Variants in ATR observed in about 807,000 individuals in gnomAD.
ATR encodes ATR checkpoint kinase, also known as serine/threonine-protein kinase ATR.
ATR carries 142 observed loss-of-function variants against 305.3 expected under a neutral mutation model. The ratio of observed to expected loss-of-function variants is 0.47; its 90% CI spans 0.41 to 0.53. ATR has a LOEUF of 0.53. ATR is among the 20% of genes least tolerant of loss of function. The probability of loss-of-function intolerance (pLI) is 0.00; values close to 1 mark genes in which losing one functional copy is unlikely to be tolerated. For missense variants in ATR, 2,135 were observed against 3,133.1 expected (o/e 0.68, Z 7.60); for synonymous variants, 1,050 against 1,068.1 (o/e 0.98, Z 0.33).
chr3:142,555,500 T>C (rs972881011), intron 10 of ATR, among the ~76,000 whole-genome samples: 2 of 152,176 alleles, frequency 1.3e-5, no homozygotes, highest in Admixed American at 1.3e-4. Flanking sequence ...AGTCCTCAGT[T>C]GGGCAAAGTA....
At chr3:142,482,075 C>T (rs924437830) in intron 36 of ATR, among the ~76,000 whole-genome samples, 9 of 152,072 alleles carry the variant, frequency 5.9e-5, no homozygotes, top group Middle Eastern at 3.2e-3. Context: ...ATCTGCCTGC[C>T]TCAGCCTCCC....
intron 14 of ATR, 90 bp downstream of exon 14, chr3:142,550,033 ACAGCATAAG>A: frequency 6.8e-7 from 1 of 1,468,228 alleles, no homozygotes; most frequent in Non-Finnish European, 9.4e-7. Flanking sequence ...CTTAAGTTTT[ACAGCATAAG>A]CAATAATCTC....
At chr3:142,450,425 T>C (rs527782510) in intron 46 of ATR, 1 of 1,592,424 alleles carries the variant, frequency 6.3e-7, no homozygotes, top group East Asian at 2.2e-5. Context: ...TGTGACAAGT[T>C]TAGCTCATTG....
intron 42 of ATR, 102 bp from the exon 43 acceptor site, chr3:142,459,485 A>G: frequency 3.8e-6 from 5 of 1,309,664 alleles, no homozygotes; most frequent in Non-Finnish European, 5.4e-6. Context: ...TTTTATTCAA[A>G]TTGTTATTGA....
chr3:142,472,330 T>A (rs2071305369), intron 36 of ATR: 1 of 152,208 alleles, frequency 6.6e-6, no homozygotes, highest in African/African-American at 2.4e-5. Context: ...TTTTAATTTT[T>A]AAGGAATCTC....
intron 1 of ATR, among the ~76,000 whole-genome samples, chr3:142,573,060 C>A (rs772933257): frequency 1.1e-4 from 16 of 152,140 alleles, no homozygotes; most frequent in Non-Finnish European, 2.4e-4. Flanking sequence ...CATTTTATTT[C>A]TTTTTGCCTC....
intron 21 of ATR, among the ~76,000 whole-genome samples, chr3:142,528,107 A>G (rs2033473681): frequency 6.6e-6 from 1 of 152,236 alleles, no homozygotes; most frequent in South Asian, 2.1e-4. Flanking sequence ...ACTTTGTTAT[A>G]GCAGCCCTAG....
intron 23 of ATR, among the ~76,000 whole-genome samples, chr3:142,521,774 G>A (rs959323334): frequency 3.3e-5 from 5 of 152,172 alleles, no homozygotes; most frequent in African/African-American, 7.2e-5. Context: ...CTGAATGGAC[G>A]AGGAGTTGCT....
At chr3:142,560,565 T>G in intron 5 of ATR, 111 bp from the exon 6 acceptor site, 1 of 517,292 alleles carries the variant, frequency 1.9e-6, no homozygotes, top group South Asian at 4.3e-5. Context: ...TTCAAAAAAA[T>G]TTTTTTTTTT....
chr3:142,472,111 G>C (rs996840578), intron 36 of ATR: 1 of 151,898 alleles, frequency 6.6e-6, no homozygotes, highest in Admixed American at 6.6e-5. Flanking sequence ...GTGTGTGTGT[G>C]TGTGTGTGTG....
intron 36 of ATR, among the ~76,000 whole-genome samples, chr3:142,476,155 A>T (rs1485804991): frequency 6.6e-6 from 1 of 152,212 alleles, no homozygotes; most frequent in East Asian, 1.9e-4. Flanking sequence ...TGTTTTAGAC[A>T]TGAAGTCCTT....
chr3:142,481,089 CT>C (rs536712020), intron 36 of ATR, among the ~76,000 whole-genome samples: 142 of 152,268 alleles, frequency 9.3e-4, no homozygotes, highest in Non-Finnish European at 1.5e-3. Flanking sequence ...GCTGCACCCA[CT>C]GTCCTGCACC....
At chr3:142,509,760 AAAATGTTAAAG>A (rs1423081167) in intron 27 of ATR, among the ~76,000 whole-genome samples, 16 of 151,704 alleles carry the variant, frequency 1.1e-4, no homozygotes, top group Non-Finnish European at 2.1e-4. Context: ...GGTCTCTACA[AAAATGTTAAAG>A]AAATGTTAAA....
intron 10 of ATR, among the ~76,000 whole-genome samples, chr3:142,554,484 T>G (rs1677163843): frequency 6.6e-6 from 1 of 152,200 alleles, no homozygotes; most frequent in South Asian, 2.1e-4. Flanking sequence ...TGTCTCGGCC[T>G]CCCGAAGTGC....
intron 24 of ATR, 90 bp downstream of exon 24, chr3:142,519,579 C>T (rs1176966079): frequency 9.8e-6 from 10 of 1,018,728 alleles, no homozygotes; most frequent in African/African-American, 8.1e-5. Context: ...GGATTACAGG[C>T]GTGAGCCACT....
chr3:142,508,156 T>A lies in ATR; in HGVS notation c.4853-47A>T, dbSNP rs780039617. ...GTAATTAAAGACTTATAAGATAAAA[T>A]TTAAAAGTGTCAATTTAAGTATTTA... is the stretch of plus-strand genomic sequence containing the variant. On this transcript the variant is annotated intron_variant, in intron 27 of 46. Transcript: ENST00000350721. 2.0e-6 allele frequency: 3 copies of A among 1,496,464 alleles called. No homozygotes were observed. In the East Asian group the frequency reaches 7.0e-5, roughly 35 times the overall value. 92.7% of individuals were successfully genotyped at this position (1,496,464 alleles called of 1,614,324 possible). A position where few individuals can be genotyped will look rare whatever the true frequency, so the allele number is the denominator to read the frequency against.
chr3:142,551,316 A>G (rs2034463117), intron 13 of ATR, among the ~76,000 whole-genome samples: 1 of 152,060 alleles, frequency 6.6e-6, no homozygotes. Context: ...AGTCCCAGCT[A>G]CTCAAGAGGC....
chr3:142,512,248 G>A lies in ATR; in HGVS notation c.4852+12C>T, dbSNP rs2108370892. 1 of 1,313,126 alleles carries A rather than the reference G, an allele frequency of 7.6e-7. No individual in the cohort carries two copies. Among genetic ancestry groups the A allele is most frequent in the Non-Finnish European group, 1.1e-6 (1 of 917,980 alleles). The allele number at this position is 1,313,126 out of a possible 1,614,324, so 81.3% of individuals were successfully genotyped here. A position where few individuals can be genotyped will look rare whatever the true frequency, so the allele number is the denominator to read the frequency against. On this transcript the variant is annotated intron_variant, in intron 27 of 46. Transcript: ENST00000350721. ...AAAAAAAAAAAAAAAAGAAACAGAA[G>A]TGATAACTCACCCATTGAGTCTACC...
chr3:142,535,250 T>G, intron 20 of ATR, 45 bp from the exon 21 acceptor site: 1 of 1,608,616 alleles, frequency 6.2e-7, no homozygotes, highest in East Asian at 2.2e-5. Context: ...ATCAACTATT[T>G]TAACAACCAT....
Sources: allele counts gnomAD v4.1 joint callset (sites outside exome capture counted in the v4.1 genomes callset), GRCh38; gene constraint gnomAD v4.1.1; transcripts MANE v1.5; gene names NCBI Gene and HGNC (gene_info 2026-07-23, HGNC 2026-07-21).